Variants in ERICH1 observed in about 807,000 individuals in gnomAD.
The protein encoded by ERICH1 is glutamate-rich protein 1.
ERICH1 carries 56 observed loss-of-function variants against 39.6 expected under a neutral mutation model. That is an observed-to-expected ratio of 1.41 (90% CI 1.14 to 1.77). The LOEUF (loss-of-function observed/expected upper bound fraction) is 1.77, where lower values mean the gene tolerates loss of function less well. ERICH1 is among the 40% of genes most tolerant of loss of function. The probability of loss-of-function intolerance (pLI) is 0.00; values close to 1 mark genes in which losing one functional copy is unlikely to be tolerated. For synonymous variants in ERICH1, 313 were observed against 223.6 expected, an observed-to-expected ratio of 1.40 and a Z score of -3.57; for missense variants, 826 against 575.4, an observed-to-expected ratio of 1.44 and a Z score of -4.45.
intron 3 of ERICH1, chr8:616,619 A>T (rs68122960): frequency 3.1e-5 from 14 of 453,888 alleles, no homozygotes; most frequent in South Asian, 2.0e-4. Context: ...GTGAGTGGGG[A>T]GAGGGAGGCA....
chr8:722,260 G>A (rs1817504642), intron 1 of ERICH1, among the ~76,000 whole-genome samples: 1 of 150,740 alleles, frequency 6.6e-6, no homozygotes. Context: ...ACAAATAAAT[G>A]ACGAAGCAGG....
At chr8:695,080 C>T (rs527733018) in intron 2 of ERICH1, among the ~76,000 whole-genome samples, 2 of 151,824 alleles carry the variant, frequency 1.3e-5, no homozygotes, top group Non-Finnish European at 2.9e-5. Flanking sequence ...GTGGGTTTCA[C>T]CAGTGTCACC....
At chr8:695,861 G>A (rs868040981) in intron 2 of ERICH1, among the ~76,000 whole-genome samples, 377 of 119,944 alleles carry the variant, frequency 3.1e-3, no homozygotes, top group African/African-American at 0.013. Flanking sequence ...ACCTGTGCTC[G>A]CTCCTCTCAC....
intron 2 of ERICH1, 150 bp downstream of exon 2, chr8:715,711 G>A (rs771326153): frequency 1.1e-5 from 12 of 1,108,302 alleles, no homozygotes; most frequent in Non-Finnish European, 1.5e-5. Flanking sequence ...TGTGTGGAGA[G>A]CGATGCCTGC....
chr8:705,022 T>C (rs1367689728), intron 2 of ERICH1, among the ~76,000 whole-genome samples: 1 of 152,236 alleles, frequency 6.6e-6, no homozygotes, highest in Non-Finnish European at 1.5e-5. Flanking sequence ...CATACACCAG[T>C]TATTTTGGTT....
At chr8:713,838 A>C (rs1815318368) in intron 2 of ERICH1, among the ~76,000 whole-genome samples, 1 of 152,186 alleles carries the variant, frequency 6.6e-6, no homozygotes, top group South Asian at 2.1e-4. Flanking sequence ...AGAGACCACC[A>C]CTATACAAAC....
intron 3 of ERICH1, chr8:616,347 AGGCTCCTGTC>A (rs1296453274): frequency 8.7e-6 from 3 of 345,162 alleles, no homozygotes; most frequent in African/African-American, 4.3e-5. Context: ...TGCTGAAGAC[AGGCTCCTGTC>A]GGCCAGGTGT....
rs1305301028 is a variant in ERICH1, at chr8:674,008, C to T, written c.344G>A (p.Arg115Lys). The change falls in exon 4 of 6, where the codon AGG becomes AAG. Residue 115 changes from arginine (R) to lysine (K), a missense_variant. Physicochemically the swap from Arg to Lys is conservative, Grantham distance 26. Transcript: ENST00000262109. ...AAATTTTTTCTTTGATTTATGCTTC[C>T]TAATTCTTCTTCTCTTTGGCTGGTC... The part of the protein sequence containing the change: ...PHDQPKRRRI[R>K]KHKSKKKFKN... 20 of 1,573,844 alleles carry T rather than the reference C, an allele frequency of 1.3e-5. No individual in the cohort carries two copies. The highest frequency in any genetic ancestry group is 2.0e-5 in the Admixed American group (1 of 50,560).
In ERICH1 at chr8:714,009, C is replaced by T. The variant is rs1279310304; in HGVS notation, c.169+1852G>A. Among the ~76,000 whole-genome samples, 14 of 138,458 alleles carry T rather than the reference C, an allele frequency of 1.0e-4. No homozygotes were observed. The South Asian group carries it at 2.5e-3, about 24-fold the overall frequency. The allele number at this position is 138,458 out of a possible 152,430, so 90.8% of individuals were successfully genotyped here. A position where few individuals can be genotyped will look rare whatever the true frequency, so the allele number is the denominator to read the frequency against. ...TGTGCTGCACCCAGGCGGCCTCTTCCGGCATCTCTCGGTGGGATGTGCTGC... is the reference window on the plus strand; with the variant it reads ...TGTGCTGCACCCAGGCGGCCTCTTCTGGCATCTCTCGGTGGGATGTGCTGC... On this transcript the variant is annotated intron_variant, in intron 2 of 5. Transcript: ENST00000262109.
chr8:632,549 A>G (rs62486194), intron 3 of ERICH1, among the ~76,000 whole-genome samples: 3,340 of 152,328 alleles, frequency 0.022, 45 homozygotes, highest in African/African-American at 0.029. Flanking sequence ...ACTAGAATAG[A>G]ATAACAAAAG....
chr8:688,534 T>A (rs976177100), intron 3 of ERICH1, among the ~76,000 whole-genome samples: 1 of 152,008 alleles, frequency 6.6e-6, no homozygotes, highest in South Asian at 2.1e-4. Flanking sequence ...TTCTTAGGCC[T>A]GAGCACACCG....
chr8:692,663 G>C, intron 2 of ERICH1, 51 bp from the exon 3 acceptor site: 1 of 1,515,480 alleles, frequency 6.6e-7, no homozygotes, highest in Non-Finnish European at 8.8e-7. Flanking sequence ...ACAAAATGCA[G>C]TCATTTATTT....
intron 3 of ERICH1, among the ~76,000 whole-genome samples, chr8:680,609 C>A (rs1221522289): frequency 2.0e-5 from 3 of 151,736 alleles, no homozygotes; most frequent in Non-Finnish European, 4.4e-5. Flanking sequence ...TCCACAGCTG[C>A]CACCCCTGTG....
rs555674794 is a variant in ERICH1 at position 629,823 on chromosome 8, A to G, written c.977-14539T>C. On this transcript the variant is annotated intron_variant, in intron 3 of 3. Coordinates refer to the ERICH1 transcript ENST00000522706. ...CACACCCTCCTGTGAGCACCCACAC[A>G]GACAAAGCTGACACACACCCTCCCG... Among the ~76,000 whole-genome samples the G allele has an allele frequency of 9.3e-4, 129 of 138,648 alleles. 3 individuals carry two copies. Among genetic ancestry groups the G allele is most frequent in the African/African-American group, 3.0e-3 (97 of 32,660 alleles). The allele number at this position is 138,648 out of a possible 152,430, so 91.0% of individuals were successfully genotyped here. A position where few individuals can be genotyped will look rare whatever the true frequency, so the allele number is the denominator to read the frequency against.
At chr8:655,300 G>A (rs897973930) in intron 3 of ERICH1, among the ~76,000 whole-genome samples, 5 of 152,214 alleles carry the variant, frequency 3.3e-5, no homozygotes, top group African/African-American at 9.7e-5. Flanking sequence ...ACGCCCTCAT[G>A]CCACAGGCAG....
chr8:620,880 C>A (rs1383352036), intron 3 of ERICH1, among the ~76,000 whole-genome samples: 1 of 151,798 alleles, frequency 6.6e-6, no homozygotes, highest in Non-Finnish European at 1.5e-5. Flanking sequence ...AATGAATAGG[C>A]AGAAGATCCA....
chr8:728,390 A>C (rs1819286307), intron 1 of ERICH1, among the ~76,000 whole-genome samples: 2 of 152,150 alleles, frequency 1.3e-5, no homozygotes, highest in Non-Finnish European at 2.9e-5. Context: ...CGCCAGATGC[A>C]GTCACTCCTT....
chr8:663,991 C>T (rs188167359), downstream of ERICH1, among the ~76,000 whole-genome samples: 9 of 152,300 alleles, frequency 5.9e-5, no homozygotes, highest in Middle Eastern at 3.4e-3. Context: ...GATCTCCTGA[C>T]GTTGTGATCC....
chr8:694,778 A>T (rs1331027993), intron 2 of ERICH1, among the ~76,000 whole-genome samples: 1 of 152,238 alleles, frequency 6.6e-6, no homozygotes, highest in African/African-American at 2.4e-5. Context: ...TACGCCTTGC[A>T]CAAGTTGAAC....
Sources: allele counts gnomAD v4.1 joint callset (sites outside exome capture counted in the v4.1 genomes callset), GRCh38; gene constraint gnomAD v4.1.1; transcripts MANE v1.5; gene names NCBI Gene and HGNC (gene_info 2026-07-23, HGNC 2026-07-21).